The following DLC1 variants were observed in gnomAD, a reference collection of about 807,000 sequenced individuals.
DLC1 encodes the protein rho GTPase-activating protein 7.
A neutral mutation model predicts 140.3 loss-of-function variants in DLC1; 54 were observed. That is an observed-to-expected ratio of 0.38 (90% CI 0.31 to 0.48). The LOEUF is 0.48. Among genes scored for constraint, DLC1 ranks in the 20% least tolerant of loss-of-function variants. The probability of loss-of-function intolerance (pLI) is 0.96; values close to 1 mark genes in which losing one functional copy is unlikely to be tolerated. For synonymous variants in DLC1, 986 were observed against 728.1 expected (o/e 1.35, Z -5.70); for missense variants, 2,536 against 1,907.0 (o/e 1.33, Z -6.14).
intron 5 of DLC1, among the ~76,000 whole-genome samples, chr8:13,210,420 T>A (rs1372248744): frequency 6.6e-6 from 1 of 152,154 alleles, no homozygotes; most frequent in Non-Finnish European, 1.5e-5. Context: ...ATTGTCAATG[T>A]CAATGTCAAC....
intron 4 of DLC1, chr8:13,339,669 C>A (rs1216894707): frequency 6.6e-6 from 1 of 152,072 alleles, no homozygotes; most frequent in Non-Finnish European, 1.5e-5. Context: ...AAATTGCATG[C>A]CAAGTTTATT....
upstream of DLC1, among the ~76,000 whole-genome samples, chr8:13,517,254 C>G (rs950407340): frequency 2.5e-4 from 38 of 152,098 alleles, no homozygotes; most frequent in Non-Finnish European, 2.6e-4. Context: ...CATGCTAATT[C>G]TTAGCTACAT....
intron 4 of DLC1, among the ~76,000 whole-genome samples, chr8:13,358,507 C>T (rs1835054174): frequency 6.6e-6 from 1 of 152,070 alleles, no homozygotes; most frequent in African/African-American, 2.4e-5. Context: ...ATTAATTTGC[C>T]ACCTAGTATT....
chr8:13,565,663 A>T (rs958811772), intron 1 of DLC1, among the ~76,000 whole-genome samples: 1 of 152,122 alleles, frequency 6.6e-6, no homozygotes, highest in African/African-American at 2.4e-5. Flanking sequence ...GCTAGACCTG[A>T]ATAATACCCC....
chr8:13,526,998 T>C (rs928490307), intron 1 of DLC1, among the ~76,000 whole-genome samples: 1 of 152,214 alleles, frequency 6.6e-6, no homozygotes, highest in Non-Finnish European at 1.5e-5. Context: ...TTTTGGAACA[T>C]TGACTAGTAT....
chr8:13,303,366 T>C (rs1832282209), intron 5 of DLC1, among the ~76,000 whole-genome samples: 1 of 152,122 alleles, frequency 6.6e-6, no homozygotes, highest in South Asian at 2.1e-4. Flanking sequence ...GCCTCAGCCA[T>C]ATAGAAATGA....
chr8:13,527,261 T>C (rs902849414), intron 1 of DLC1, among the ~76,000 whole-genome samples: 1 of 152,242 alleles, frequency 6.6e-6, no homozygotes, highest in African/African-American at 2.4e-5. Flanking sequence ...AATCCTGCTG[T>C]ATTCCTAGTA....
intron 5 of DLC1, among the ~76,000 whole-genome samples, chr8:13,143,625 T>A (rs1197622471): frequency 6.6e-6 from 1 of 151,830 alleles, no homozygotes; most frequent in Non-Finnish European, 1.5e-5. Context: ...TGGTTGATTT[T>A]TTTTTTTTTT....
intron 4 of DLC1, among the ~76,000 whole-genome samples, chr8:13,359,678 T>C (rs1054971936): frequency 1.3e-5 from 2 of 152,106 alleles, no homozygotes; most frequent in Non-Finnish European, 2.9e-5. Context: ...TCTTGCAAAA[T>C]CATTTAAGGA....
intron 1 of DLC1, among the ~76,000 whole-genome samples, chr8:13,529,333 C>T (rs929663468): frequency 2.6e-5 from 4 of 152,082 alleles, no homozygotes; most frequent in African/African-American, 7.2e-5. Flanking sequence ...TATAATTAGA[C>T]ATGCATTATA....
chr8:13,206,938 G>C (rs1281126104), intron 5 of DLC1, among the ~76,000 whole-genome samples: 1 of 151,930 alleles, frequency 6.6e-6, no homozygotes, highest in Non-Finnish European at 1.5e-5. Flanking sequence ...TTATGCTACT[G>C]AGAATACATT....
intron 5 of DLC1, among the ~76,000 whole-genome samples, chr8:13,180,642 C>T (rs1242746120): frequency 2.0e-5 from 3 of 152,056 alleles, no homozygotes; most frequent in South Asian, 2.1e-4. Flanking sequence ...GTCACTAAAT[C>T]AATGTAATCA....
intron 1 of DLC1, among the ~76,000 whole-genome samples, chr8:13,506,628 G>C (rs1802098793): frequency 7.1e-6 from 1 of 141,180 alleles, no homozygotes; most frequent in Non-Finnish European, 1.5e-5. Flanking sequence ...TATACACACA[G>C]AGAGACACAT....
chr8:13,505,647 CA>C (rs1269971375), intron 1 of DLC1, among the ~76,000 whole-genome samples: 1 of 152,168 alleles, frequency 6.6e-6, no homozygotes, highest in Non-Finnish European at 1.5e-5. Flanking sequence ...CGCAATTACA[CA>C]AACACCAGTC....
At chr8:13,567,957 A>G (rs373263421) in intron 1 of DLC1, 5 of 1,529,404 alleles carry the variant, frequency 3.3e-6, no homozygotes, top group South Asian at 1.3e-5. Context: ...TGTAATGTGG[A>G]TAGATGTCTT....
At chr8:13,441,504 A>G (rs112517903) in intron 2 of DLC1, among the ~76,000 whole-genome samples, 29 of 152,372 alleles carry the variant, frequency 1.9e-4, no homozygotes, top group African/African-American at 6.7e-4. Flanking sequence ...AGGCAACTTC[A>G]GCAAAGTCTC....
intron 2 of DLC1, among the ~76,000 whole-genome samples, chr8:13,406,960 T>G (rs1184074069): frequency 1.3e-5 from 2 of 152,236 alleles, no homozygotes; most frequent in Admixed American, 1.3e-4. Flanking sequence ...TGTGTAGTGC[T>G]AAGAACAGAA....
chr8:13,245,212 G>C (rs984187886), intron 5 of DLC1, among the ~76,000 whole-genome samples: 1 of 152,218 alleles, frequency 6.6e-6, no homozygotes, highest in Non-Finnish European at 1.5e-5. Context: ...AAGAGGCCAG[G>C]TGTAGGTGCT....
intron 5 of DLC1, chr8:13,116,011 C>T: frequency 2.4e-6 from 1 of 410,574 alleles, no homozygotes; most frequent in East Asian, 1.1e-4. Context: ...TGAAGCCTGG[C>T]CGGCCTATTG....
Sources: gnomAD v4.1 joint callset for allele counts (sites outside exome capture counted in the v4.1 genomes callset) on GRCh38, gnomAD v4.1.1 for gene constraint, MANE v1.5 for transcripts, NCBI Gene and HGNC (gene_info 2026-07-23, HGNC 2026-07-21) for gene names.